BPIFA2: variants seen among roughly 807,000 people sequenced by gnomAD.
BPIFA2 encodes BPI fold-containing family A member 2.
Under a neutral mutation model 25.7 loss-of-function variants are expected in BPIFA2, and 20 were observed. The ratio of observed to expected loss-of-function variants is 0.78; its 90% CI spans 0.55 to 1.13. The LOEUF (loss-of-function observed/expected upper bound fraction) is 1.13, where lower values mean the gene tolerates loss of function less well. BPIFA2 is among the 50% of genes most tolerant of loss of function. BPIFA2 has a pLI of 0.00. For synonymous variants in BPIFA2, 126 were observed against 124.3 expected (o/e 1.01, Z -0.09); for missense variants, 300 against 298.1 (o/e 1.01, Z -0.05).
At chr20:33,165,753 C>T (rs932388645), upstream of BPIFA2, among the ~76,000 whole-genome samples, 3 of 152,164 alleles carry the variant, frequency 2.0e-5, no homozygotes, top group Admixed American at 6.5e-5. Context: ...AAATTCATCT[C>T]GCGACCCTCA....
At chr20:33,162,569 C>T (rs544824435) in intron 1 of BPIFA2, among the ~76,000 whole-genome samples, 1 of 152,114 alleles carries the variant, frequency 6.6e-6, no homozygotes, top group Non-Finnish European at 1.5e-5. Flanking sequence ...ATGATGTGCC[C>T]GACACTGGGC....
rs1432340150 is a variant in BPIFA2, at chr20:33,169,235, C to T, written c.90C>T (p.Ser30=). The part of the protein sequence containing the change: ...SLLDNLGNDL[S]NVVDKLEPVL... ...TTGACAATCTTGGCAATGACCTAAG[C>T]AATGTCGTGGATAAGCTGGAACCTG... Residue 30 remains serine (S), a synonymous_variant, in exon 2 of 9, where the codon AGC becomes AGT. Transcript: ENST00000354932. The T allele has an allele frequency of 4.3e-6, 7 of 1,614,038 alleles. No homozygotes were observed. The highest frequency in any genetic ancestry group is 5.9e-6 in the Non-Finnish European group (7 of 1,179,880).
chr20:33,175,277 T>G, intron 4 of BPIFA2, 130 bp from the exon 5 acceptor site: 14 of 895,512 alleles, frequency 1.6e-5, no homozygotes, highest in Non-Finnish European at 2.2e-5. Flanking sequence ...TGGACCATGT[T>G]GATATTACCT....
In BPIFA2 at chr20:33,180,542, G is replaced by T; in HGVS notation, c.732G>T (p.Gln244His). The T allele has an allele frequency of 6.2e-7, 1 of 1,613,710 alleles. No individual in the cohort carries two copies. The highest frequency in any genetic ancestry group is 8.5e-7 in the Non-Finnish European group (1 of 1,179,608). Reference sequence around the variant, plus strand: ...CAGATAATCCTCAGCACAAAACCCAGCTGCAAACCCTCATCTGAAGAGGAC... The same window carrying T: ...CAGATAATCCTCAGCACAAAACCCATCTGCAAACCCTCATCTGAAGAGGAC... ...QVVDNPQHKT[Q>H]LQTLI is the part of the protein sequence containing the mutation. Residue 244 changes from glutamine to histidine, a missense_variant, in exon 8 of 9, where the codon CAG (glutamine) becomes CAT (histidine). Physicochemically the swap from Gln to His is conservative, Grantham distance 24. Coordinates refer to ENST00000354932, the MANE Select transcript of BPIFA2 (RefSeq NM_080574.4).
upstream of BPIFA2, among the ~76,000 whole-genome samples, chr20:33,165,634 GTGGGATCAGGAAGCTGCCCCAGC>G (rs1337808035): frequency 3.9e-5 from 6 of 152,272 alleles, no homozygotes; most frequent in Non-Finnish European, 8.8e-5. Flanking sequence ...GGCTGGGCCA[GTGGGATCAGGAAGCTGCCCCAGC>G]TGGGGATTAG....
chr20:33,163,276 G>A (rs1217463006), upstream of BPIFA2, among the ~76,000 whole-genome samples: 1 of 152,162 alleles, frequency 6.6e-6, no homozygotes, highest in African/African-American at 2.4e-5. Context: ...AATTAATTGT[G>A]GTATTTATTG....
intron 5 of BPIFA2, 71 bp from the exon 6 acceptor site, chr20:33,178,076 C>T (rs1434585490): frequency 1.7e-6 from 2 of 1,204,796 alleles, no homozygotes; most frequent in East Asian, 2.5e-5. Context: ...CCGCACCGCC[C>T]CCAACTTTTT....
At chr20:33,169,568 C>G (rs1983833779) in intron 2 of BPIFA2, among the ~76,000 whole-genome samples, 1 of 152,214 alleles carries the variant, frequency 6.6e-6, no homozygotes, top group Non-Finnish European at 1.5e-5. Flanking sequence ...ATGCTGTTGA[C>G]AAATAATCTC....
At chr20:33,168,247 T>C (rs1041806963) in intron 1 of BPIFA2, 38 bp downstream of exon 1, 2 of 152,246 alleles carry the variant, frequency 1.3e-5, no homozygotes, top group African/African-American at 2.4e-5. Flanking sequence ...CCACACGTGG[T>C]GGTCTTTGGA....
At chr20:33,176,979 T>A (rs188089423) in intron 5 of BPIFA2, among the ~76,000 whole-genome samples, 1 of 152,328 alleles carries the variant, frequency 6.6e-6, no homozygotes, top group African/African-American at 2.4e-5. Flanking sequence ...CGTAAGAGTC[T>A]AACTCTTGCC....
chr20:33,169,483 C>A (rs1032022308), intron 2 of BPIFA2, among the ~76,000 whole-genome samples, 181 bp downstream of exon 2: 21 of 152,246 alleles, frequency 1.4e-4, no homozygotes, highest in Non-Finnish European at 2.5e-4. Context: ...CAATGAATAG[C>A]CTTTTACATA....
At position 33,172,996 on chromosome 20, in the gene BPIFA2, C is replaced by A. The variant is rs1430449785; in HGVS notation, c.222C>A (p.Ala74=). Reference sequence around the variant, plus strand: ...AGAAATCCAGTGCTTGGCAACTGGCCAAGCAGAAGGCCCAGGAAGCTGAGA... The same window carrying A: ...AGAAATCCAGTGCTTGGCAACTGGCAAAGCAGAAGGCCCAGGAAGCTGAGA... The part of the protein sequence containing the change: ...VLQKSSAWQL[A]KQKAQEAEKL... The change falls in exon 3 of 9, where the codon GCC becomes GCA. Residue 74 remains alanine, a synonymous_variant. Coordinates refer to ENST00000354932, the MANE Select transcript of BPIFA2 (RefSeq NM_080574.4). The A allele has an allele frequency of 3.1e-6, 5 of 1,613,990 alleles. No individual in the cohort carries two copies. The highest frequency in any genetic ancestry group is 4.2e-6 in the Non-Finnish European group (5 of 1,179,962).
chr20:33,179,384 C>A lies in BPIFA2; in HGVS notation c.646-220C>A, dbSNP rs577724295. Among the ~76,000 whole-genome samples, 6 of 149,922 alleles carry A rather than the reference C, an allele frequency of 4.0e-5. No individual in the cohort carries two copies. The East Asian group carries it at 9.8e-4, about 24-fold the overall frequency. ...GGCGGAGGTTGCAGTGAGCAGAAAT[C>A]GTACCACTGTACTCCAGCCTGGGCA... is the stretch of plus-strand genomic sequence containing the variant. On this transcript the variant is annotated intron_variant, in intron 6 of 8. Transcript: ENST00000354932.
intron 1 of BPIFA2, among the ~76,000 whole-genome samples, chr20:33,162,255 A>G (rs1983603767): frequency 6.6e-6 from 1 of 152,208 alleles, no homozygotes; most frequent in Middle Eastern, 3.2e-3. Context: ...TGCTGGAATT[A>G]CAGGCATGAG....
At chr20:33,172,280 C>A (rs1355115698) in intron 2 of BPIFA2, among the ~76,000 whole-genome samples, 1 of 152,026 alleles carries the variant, frequency 6.6e-6, no homozygotes, top group Non-Finnish European at 1.5e-5. Flanking sequence ...GGACAAATAC[C>A]TAATGCAGGT....
In BPIFA2 at chr20:33,169,342, G is replaced by A. The variant is rs780049265; in HGVS notation, c.157+40G>A. Reference sequence around the variant, plus strand: ...GTGATGAACAGTGTCACCTAAATTAGCCTCCTAAACACTATGCCTGCATTA... The same window carrying A: ...GTGATGAACAGTGTCACCTAAATTAACCTCCTAAACACTATGCCTGCATTA... On this transcript the variant is annotated intron_variant, in intron 2 of 8. Transcript: ENST00000354932. 1.9e-6 allele frequency: 3 copies of A among 1,600,684 alleles called. No homozygotes were observed. The African/African-American group carries it at 4.0e-5, about 21-fold the overall frequency.
chr20:33,178,763 G>A (rs555219384), intron 6 of BPIFA2, among the ~76,000 whole-genome samples: 26 of 152,184 alleles, frequency 1.7e-4, no homozygotes, highest in African/African-American at 4.8e-4. Flanking sequence ...AAAATCCTCC[G>A]GATGGCTCTG....
At chr20:33,178,831 C>T (rs1445812184) in intron 6 of BPIFA2, among the ~76,000 whole-genome samples, 1 of 152,192 alleles carries the variant, frequency 6.6e-6, no homozygotes, top group Non-Finnish European at 1.5e-5. Flanking sequence ...CCAGCTTCAG[C>T]CTCAGCTGGG....
chr20:33,179,924 T>C, intron 7 of BPIFA2, among the ~76,000 whole-genome samples: 1 of 152,064 alleles, frequency 6.6e-6, no homozygotes, highest in East Asian at 1.9e-4. Flanking sequence ...TCTATGAAAA[T>C]AGCCACAAGT....
Sources: allele counts gnomAD v4.1 joint callset (sites outside exome capture counted in the v4.1 genomes callset), GRCh38; gene constraint gnomAD v4.1.1; transcripts MANE v1.5; gene names NCBI Gene and HGNC (gene_info 2026-07-23, HGNC 2026-07-21).